LPP: variants seen among roughly 807,000 people sequenced by gnomAD.
The protein encoded by LPP is lipoma-preferred partner.
In LPP, 38 loss-of-function variants were observed where a neutral mutation model predicts 60.4. The observed-to-expected ratio is 0.63, with a 90% CI of 0.49 to 0.83. The LOEUF (loss-of-function observed/expected upper bound fraction) is 0.83, where lower values mean the gene tolerates loss of function less well. Ranked by LOEUF, LPP falls within the 40% of genes least tolerant of loss-of-function variation. The probability of loss-of-function intolerance (pLI) is 0.00; values close to 1 mark genes in which losing one functional copy is unlikely to be tolerated. For synonymous variants in LPP, 328 were observed against 290.8 expected (o/e 1.13, Z -1.30); for missense variants, 902 against 783.6 (o/e 1.15, Z -1.80).
At chr3:188,445,100 C>T (rs1356483467) in intron 4 of LPP, among the ~76,000 whole-genome samples, 1 of 152,150 alleles carries the variant, frequency 6.6e-6, no homozygotes, top group African/African-American at 2.4e-5. Context: ...GGATCTACAA[C>T]CAGAAATACC....
At chr3:188,574,926 T>G (rs753945681) in intron 6 of LPP, among the ~76,000 whole-genome samples, 7 of 152,138 alleles carry the variant, frequency 4.6e-5, no homozygotes, top group Non-Finnish European at 7.4e-5. Context: ...TTCCCCCTTT[T>G]TTTCATCACT....
chr3:188,593,153 G>GGTGTGT (rs10678737), intron 6 of LPP, among the ~76,000 whole-genome samples: 34,332 of 148,298 alleles, frequency 0.23, 4,424 homozygotes, highest in Middle Eastern at 0.37. Context: ...TCTGATGCCT[G>GGTGTGT]GTGTGTGTGT....
At chr3:188,199,394 T>G (rs2149071883) in intron 1 of LPP, among the ~76,000 whole-genome samples, 1 of 152,232 alleles carries the variant, frequency 6.6e-6, no homozygotes, top group South Asian at 2.1e-4. Flanking sequence ...ACGGAAAATT[T>G]GCTGGAGCCT....
intron 2 of LPP, among the ~76,000 whole-genome samples, chr3:188,268,869 TA>T (rs1454126014): frequency 6.6e-6 from 1 of 152,222 alleles, no homozygotes; most frequent in Non-Finnish European, 1.5e-5. Context: ...AGATACTTTT[TA>T]CAGGCCTATT....
intron 7 of LPP, among the ~76,000 whole-genome samples, chr3:188,635,231 C>T (rs904263962): frequency 6.6e-6 from 1 of 152,196 alleles, no homozygotes; most frequent in African/African-American, 2.4e-5. Flanking sequence ...AAGTCTCTAA[C>T]TCACATGCTG....
intron 9 of LPP, among the ~76,000 whole-genome samples, chr3:188,856,539 C>A (rs1560299846): frequency 6.6e-6 from 1 of 152,154 alleles, no homozygotes; most frequent in African/African-American, 2.4e-5. Flanking sequence ...ATCTTTATAT[C>A]TATTTACATT....
At chr3:188,375,317 G>A (rs560557596) in intron 3 of LPP, among the ~76,000 whole-genome samples, 2 of 152,262 alleles carry the variant, frequency 1.3e-5, no homozygotes, top group South Asian at 4.2e-4. Context: ...GTAGAATTCG[G>A]CTGTGAATCC....
chr3:188,271,164 T>C (rs770298467), intron 2 of LPP, among the ~76,000 whole-genome samples: 2 of 152,208 alleles, frequency 1.3e-5, no homozygotes, highest in Admixed American at 6.5e-5. Flanking sequence ...TCCTGAAGTA[T>C]GTTTTGGATG....
At chr3:188,746,378 G>A (rs1726208373) in intron 8 of LPP, 2 of 455,090 alleles carry the variant, frequency 4.4e-6, no homozygotes, top group Non-Finnish European at 8.9e-6. Flanking sequence ...TAGATGAAAG[G>A]AACAATCTAC....
intron 5 of LPP, among the ~76,000 whole-genome samples, chr3:188,518,560 G>A (rs1430204991): frequency 6.6e-6 from 1 of 152,158 alleles, no homozygotes; most frequent in East Asian, 1.9e-4. Flanking sequence ...TGAGCTCTGT[G>A]AAGCACAGTT....
intron 5 of LPP, among the ~76,000 whole-genome samples, chr3:188,488,916 C>T (rs749062881): frequency 7.9e-5 from 12 of 152,168 alleles, no homozygotes; most frequent in Non-Finnish European, 1.5e-4. Flanking sequence ...GGATTACAGG[C>T]ATGATCCACC....
Position 188,318,404 on chromosome 3 carries a change from G to A in LPP, c.-66-23259G>A, listed in dbSNP as rs542782098. Among the ~76,000 whole-genome samples the A allele has an allele frequency of 4.9e-4, 69 of 139,602 alleles. No individual in the cohort carries two copies. The Middle Eastern group carries it at 0.011, about 22-fold the overall frequency. 91.6% of individuals were successfully genotyped at this position (139,602 alleles called of 152,430 possible). ...AGAGAAAACATTTTTCTAAAACTAG[G>A]ATTTCCAAAAAAACAAAAAAAAAAA... On this transcript the variant is annotated intron_variant, in intron 2 of 11. Transcript: ENST00000617246.
chr3:188,465,172 C>A (rs1800067018), intron 4 of LPP, among the ~76,000 whole-genome samples: 1 of 151,986 alleles, frequency 6.6e-6, no homozygotes, highest in African/African-American at 2.4e-5. Context: ...AAAATAAAAT[C>A]CAGAGTATAC....
chr3:188,773,897 G>C (rs1455008051), intron 9 of LPP, among the ~76,000 whole-genome samples: 1 of 152,176 alleles, frequency 6.6e-6, no homozygotes, highest in Non-Finnish European at 1.5e-5. Flanking sequence ...GGTCTTCATG[G>C]AGGAAGAGAC....
At chr3:188,559,651 C>T (rs188812999) in intron 6 of LPP, among the ~76,000 whole-genome samples, 12 of 151,994 alleles carry the variant, frequency 7.9e-5, no homozygotes, top group African/African-American at 2.7e-4. Flanking sequence ...CCCCTCTGTC[C>T]GAGTCATTCA....
intron 8 of LPP, chr3:188,759,222 A>C (rs942139649): frequency 6.6e-6 from 1 of 152,236 alleles, no homozygotes; most frequent in Admixed American, 6.5e-5. Context: ...TTTAAAGCTT[A>C]CTGCAAATTT....
chr3:188,469,817 A>G (rs1801368429), intron 4 of LPP, among the ~76,000 whole-genome samples: 2 of 152,118 alleles, frequency 1.3e-5, no homozygotes, highest in Admixed American at 1.3e-4. Context: ...GAGCTTCTAA[A>G]TGTTTGTGAA....
At position 188,609,921 on chromosome 3, in the gene LPP, A is replaced by C. The variant is rs894593582; in HGVS notation, c.1113+77A>C. ...CTGCCTTCCCCAGGAAGCGAAGCCT[A>C]AGGCAAAAGTGTGTGTGTTACTTTT... is the stretch of plus-strand genomic sequence containing the variant. On this transcript the variant is annotated intron_variant, in intron 7 of 11. Transcript: ENST00000617246. This position sits in a 1 kb window ranked among gnomAD's most constrained non-coding sequence, Gnocchi z 6.9. 4 of 1,380,058 alleles carry C rather than the reference A, an allele frequency of 2.9e-6. No individual in the cohort carries two copies. In the Admixed American group the frequency reaches 6.7e-5, roughly 23 times the overall value. The allele number at this position is 1,380,058 out of a possible 1,614,324, so 85.5% of individuals were successfully genotyped here.
At chr3:188,422,778 G>A (rs1206810044) in intron 4 of LPP, among the ~76,000 whole-genome samples, 4 of 152,042 alleles carry the variant, frequency 2.6e-5, no homozygotes, top group African/African-American at 9.7e-5. Flanking sequence ...CCTCCCTCGT[G>A]TGCACATCTT....
Sources: gnomAD v4.1 joint callset for allele counts (sites outside exome capture counted in the v4.1 genomes callset) on GRCh38, gnomAD v4.1.1 for gene constraint, Gnocchi (gnomAD v3.1) non-coding constraint, MANE v1.5 for transcripts, NCBI Gene and HGNC (gene_info 2026-07-23, HGNC 2026-07-21) for gene names.